Variants in ARID5B observed in about 807,000 individuals in gnomAD.
The protein encoded by ARID5B is AT-rich interactive domain-containing protein 5B.
ARID5B carries 13 observed loss-of-function variants against 97.2 expected under a neutral mutation model. That is an observed-to-expected ratio of 0.13 (90% confidence interval 0.09 to 0.21). The LOEUF (loss-of-function observed/expected upper bound fraction) is 0.21, where lower values mean the gene tolerates loss of function less well. Ranked by LOEUF, ARID5B falls within the 10% of genes least tolerant of loss-of-function variation. The pLI is 1.00. For missense variants in ARID5B, 1,210 were observed against 1,465.3 expected, an observed-to-expected ratio of 0.83 and a Z score of 2.84; for synonymous variants, 556 against 570.3, an observed-to-expected ratio of 0.97 and a Z score of 0.36.
chr10:61,918,732 A>T (rs1048060705), intron 2 of ARID5B, among the ~76,000 whole-genome samples: 6 of 152,108 alleles, frequency 3.9e-5, no homozygotes, highest in Admixed American at 2.0e-4. Context: ...TTCCATGTAG[A>T]TGTTAAAGGT....
At chr10:62,069,606 G>A (rs1564642763) in intron 7 of ARID5B, 94 bp from the exon 8 acceptor site, 9 of 1,132,436 alleles carry the variant, frequency 7.9e-6, no homozygotes, top group Non-Finnish European at 1.1e-5. Context: ...TTCCAGAACA[G>A]ACTGTTCTCT....
chr10:62,024,925 A>G (rs1264973176), intron 4 of ARID5B: 1 of 316,596 alleles, frequency 3.2e-6, no homozygotes. Flanking sequence ...CTACTTGATT[A>G]CTACATATAA....
intron 8 of ARID5B, 91 bp downstream of exon 8, chr10:62,069,888 A>T (rs1487499792): frequency 6.9e-6 from 9 of 1,302,170 alleles, no homozygotes; most frequent in Non-Finnish European, 9.6e-6. Flanking sequence ...AGTCTAAATG[A>T]CCTTTTGGGA....
At chr10:61,945,735 C>T (rs747479240) in intron 3 of ARID5B, among the ~76,000 whole-genome samples, 24 of 152,010 alleles carry the variant, frequency 1.6e-4, no homozygotes, top group African/African-American at 7.3e-5. Flanking sequence ...TCTATGGAAA[C>T]ATTTGTGATA....
chr10:62,090,811 A>T (rs761348579), intron 9 of ARID5B, 51 bp from the exon 10 acceptor site: 1 of 1,516,548 alleles, frequency 6.6e-7, no homozygotes. Flanking sequence ...ATAGCAAAAC[A>T]TGTCTGTGTA....
At chr10:62,049,544 C>T in intron 4 of ARID5B, 21 of 1,548,454 alleles carry the variant, frequency 1.4e-5, no homozygotes, top group Non-Finnish European at 1.8e-5. Flanking sequence ...TTTGGTAATT[C>T]CAGGCTGGCT....
At chr10:62,041,510 T>C (rs1839637382) in intron 4 of ARID5B, among the ~76,000 whole-genome samples, 1 of 152,230 alleles carries the variant, frequency 6.6e-6, no homozygotes, top group Non-Finnish European at 1.5e-5. Flanking sequence ...GCCCCCTTTC[T>C]GTACAAATTC....
At chr10:62,003,267 A>T (rs1039408342) in intron 4 of ARID5B, among the ~76,000 whole-genome samples, 3 of 152,202 alleles carry the variant, frequency 2.0e-5, no homozygotes, top group Non-Finnish European at 2.9e-5. Flanking sequence ...AACTAATGTT[A>T]CAAGAAAGTC....
At chr10:61,969,697 C>A (rs1838598861) in intron 3 of ARID5B, among the ~76,000 whole-genome samples, 1 of 152,176 alleles carries the variant, frequency 6.6e-6, no homozygotes, top group African/African-American at 2.4e-5. Context: ...TTTTTAGTGA[C>A]ACTTTACCCA....
chr10:62,049,223 G>A (rs988416324), intron 4 of ARID5B: 71 of 1,359,174 alleles, frequency 5.2e-5, no homozygotes, highest in Non-Finnish European at 6.3e-5. Context: ...AGCCCTCCCT[G>A]CCAGTCTGGC....
chr10:62,009,514 C>T (rs1009493802), intron 4 of ARID5B, among the ~76,000 whole-genome samples: 2 of 152,058 alleles, frequency 1.3e-5, no homozygotes, highest in Non-Finnish European at 2.9e-5. Flanking sequence ...TACCCATGAG[C>T]GACCTCAGAG....
intron 3 of ARID5B, among the ~76,000 whole-genome samples, chr10:61,968,187 T>TACAC (rs33990104): frequency 0.024 from 3,286 of 138,230 alleles, 72 homozygotes; most frequent in African/African-American, 0.057. Context: ...CACATATTTA[T>TACAC]ACACACACAC....
rs143530219 is a variant in ARID5B at position 61,991,893 on chromosome 10, G to A, written c.503-8198G>A. Reference sequence around the variant, plus strand: ...AAAAATACAAAAAAATTAGCTGGGTGTGGTGGCGCATACCTGTAATCCCAG... The same window carrying A: ...AAAAATACAAAAAAATTAGCTGGGTATGGTGGCGCATACCTGTAATCCCAG... On this transcript the variant is annotated intron_variant, in intron 3 of 9. Coordinates refer to ENST00000279873, the MANE Select transcript of ARID5B (RefSeq NM_032199.3). Among the ~76,000 whole-genome samples the A allele has an allele frequency of 4.4e-3, 676 of 152,224 alleles. 3 individuals are homozygous for A. Among genetic ancestry groups the A allele is most frequent in the African/African-American group, 0.016 (645 of 41,550 alleles).
intron 4 of ARID5B, chr10:62,049,466 G>A: frequency 6.4e-7 from 1 of 1,550,542 alleles, no homozygotes. Context: ...TCAGGCAGAT[G>A]TTTGTCGACT....
At chr10:61,954,742 C>A (rs887059977) in intron 3 of ARID5B, among the ~76,000 whole-genome samples, 1 of 152,120 alleles carries the variant, frequency 6.6e-6, no homozygotes, top group Non-Finnish European at 1.5e-5. Flanking sequence ...AACTATGGGC[C>A]ATGAGCAGTG....
intron 2 of ARID5B, among the ~76,000 whole-genome samples, chr10:61,939,620 A>G (rs7069778): frequency 0.028 from 4,269 of 152,304 alleles, 200 homozygotes; most frequent in African/African-American, 0.098. Flanking sequence ...AGCACATAAC[A>G]TTTATGAAGT....
chr10:61,903,337 AG>A (rs775307668), intron 2 of ARID5B, among the ~76,000 whole-genome samples: 69 of 152,114 alleles, frequency 4.5e-4, no homozygotes, highest in Non-Finnish European at 7.1e-4. Context: ...CGCTCCCGGG[AG>A]GACGCCGGAG....
intron 7 of ARID5B, among the ~76,000 whole-genome samples, chr10:62,064,511 T>C (rs146826810): frequency 1.2e-3 from 185 of 152,366 alleles, no homozygotes; most frequent in African/African-American, 4.2e-3. Context: ...AATACCAGAA[T>C]TATTTCATTC....
At chr10:61,942,843 T>TTTTG (rs1308008128) in intron 3 of ARID5B, among the ~76,000 whole-genome samples, 1 of 152,142 alleles carries the variant, frequency 6.6e-6, no homozygotes, top group Non-Finnish European at 1.5e-5. Flanking sequence ...TTGAGTCTGA[T>TTTTG]TTTGTTTGTT....
Sources: allele counts gnomAD v4.1 joint callset (sites outside exome capture counted in the v4.1 genomes callset), GRCh38; gene constraint gnomAD v4.1.1; transcripts MANE v1.5; gene names NCBI Gene and HGNC (gene_info 2026-07-23, HGNC 2026-07-21).